Variants in IQCK observed in about 807,000 individuals in gnomAD.
The protein encoded by IQCK is IQ motif containing K, also known as IQ domain-containing protein K.
In IQCK, 29 loss-of-function variants were observed where a neutral mutation model predicts 28.1. That is an observed-to-expected ratio of 1.03 (90% CI 0.77 to 1.41). The LOEUF (loss-of-function observed/expected upper bound fraction) is 1.41. Ranked by LOEUF, IQCK falls within the 40% of genes most tolerant of loss-of-function variation. IQCK has a pLI of 0.00. For missense variants in IQCK, 359 were observed against 314.7 expected (o/e 1.14, Z -1.07); for synonymous variants, 113 against 115.1 (o/e 0.98, Z 0.12).
intron 4 of IQCK, among the ~76,000 whole-genome samples, chr16:19,750,009 T>A (rs2054964570): frequency 1.3e-5 from 2 of 152,208 alleles, no homozygotes; most frequent in South Asian, 4.1e-4. Flanking sequence ...TCTTTGTAGA[T>A]GCGTGACCCC....
intron 7 of IQCK, among the ~76,000 whole-genome samples, chr16:19,822,159 A>G (rs912413495): frequency 2.0e-5 from 3 of 151,216 alleles, no homozygotes; most frequent in African/African-American, 7.3e-5. Context: ...AGGCCGAGGC[A>G]GGCAGATCAC....
At chr16:19,723,046 C>T (rs991266408) in intron 1 of IQCK, among the ~76,000 whole-genome samples, 1 of 152,132 alleles carries the variant, frequency 6.6e-6, no homozygotes. Flanking sequence ...CCCACACTCT[C>T]ATTTGCCAGT....
chr16:19,756,293 G>A (rs1006014766), intron 4 of IQCK, among the ~76,000 whole-genome samples: 1 of 152,180 alleles, frequency 6.6e-6, no homozygotes, highest in African/African-American at 2.4e-5. Context: ...AAGACAGCAT[G>A]GAGCAGAGAG....
chr16:19,763,511 C>T (rs1003581842), intron 4 of IQCK, among the ~76,000 whole-genome samples: 4 of 151,988 alleles, frequency 2.6e-5, no homozygotes, highest in African/African-American at 4.8e-5. Flanking sequence ...GGTGAGGTCT[C>T]GGCTCACTGC....
chr16:19,830,630 GA>G (rs2056219646), downstream of IQCK, among the ~76,000 whole-genome samples: 2 of 152,308 alleles, frequency 1.3e-5, no homozygotes, highest in South Asian at 4.1e-4. Flanking sequence ...CCAGGTCTGT[GA>G]TCAGTTAAGA....
At chr16:19,758,610 G>C (rs1248178767) in intron 4 of IQCK, among the ~76,000 whole-genome samples, 1 of 152,182 alleles carries the variant, frequency 6.6e-6, no homozygotes, top group African/African-American at 2.4e-5. Context: ...ATTCAGGCTA[G>C]TTACATATTT....
intron 6 of IQCK, among the ~76,000 whole-genome samples, chr16:19,784,163 A>G (rs1408372249): frequency 6.6e-6 from 1 of 152,088 alleles, no homozygotes. Context: ...TATTACTGTA[A>G]AGTTCAACAA....
intron 4 of IQCK, among the ~76,000 whole-genome samples, chr16:19,747,688 C>A (rs1178675714): frequency 2.6e-5 from 4 of 152,134 alleles, no homozygotes; most frequent in Non-Finnish European, 5.9e-5. Flanking sequence ...CCACTCTATC[C>A]ATCTGTGTAT....
intron 6 of IQCK, among the ~76,000 whole-genome samples, chr16:19,782,291 C>A (rs1278541486): frequency 2.0e-5 from 3 of 148,610 alleles, no homozygotes; most frequent in East Asian, 2.1e-4. Context: ...GAGGCTGAGG[C>A]AGGAGAATTG....
chr16:19,848,290 T>C (rs181511793), intron 9 of IQCK, among the ~76,000 whole-genome samples: 137 of 152,308 alleles, frequency 9.0e-4, no homozygotes, highest in African/African-American at 3.2e-3. Flanking sequence ...ATTGGGACCG[T>C]ATTTCATTCC....
intron 4 of IQCK, among the ~76,000 whole-genome samples, chr16:19,762,972 C>T (rs1049346199): frequency 2.4e-4 from 36 of 151,992 alleles, no homozygotes; most frequent in African/African-American, 7.3e-4. Context: ...GCTGAGATCA[C>T]GCCACTGCAG....
rs146664911 is a variant in IQCK at position 19,765,756 on chromosome 16, G to A, written c.605+1644G>A. On this transcript the variant is annotated intron_variant, in intron 6 of 7. Coordinates refer to ENST00000564186, the Ensembl canonical transcript of IQCK. ...TGTTTCTTATTTAGCTTTCAAACCT[G>A]TGCCTGATTTTATCCGCTATGAAAT... 1.7e-3 allele frequency among the ~76,000 whole-genome samples: 263 copies of A among 152,048 alleles called. 2 individuals are homozygous for A. Among genetic ancestry groups the A allele is most frequent in the Non-Finnish European group, 9.4e-4 (64 of 67,988 alleles).
chr16:19,804,364 A>C (rs890020791), intron 7 of IQCK, among the ~76,000 whole-genome samples: 3 of 151,586 alleles, frequency 2.0e-5, no homozygotes, highest in African/African-American at 4.9e-5. Context: ...TAAAATAAAA[A>C]AGTACTTGAG....
intron 7 of IQCK, among the ~76,000 whole-genome samples, chr16:19,801,563 C>T (rs9940178): frequency 0.31 from 45,076 of 147,292 alleles, 11,583 homozygotes; most frequent in African/African-American, 0.68. Context: ...TCTTGTCCTC[C>T]CAATGTGCTG....
chr16:19,858,457 T>C, exon 10 of IQCK: 1 of 674,970 alleles, frequency 1.5e-6, no homozygotes, highest in Non-Finnish European at 2.7e-6. Context: ...ATAAAGAACT[T>C]AGAAAACGAA....
downstream of IQCK, among the ~76,000 whole-genome samples, chr16:19,832,123 G>A (rs1359724963): frequency 3.3e-5 from 5 of 151,726 alleles, no homozygotes; most frequent in Admixed American, 1.3e-4. Flanking sequence ...GTTTTCAAAT[G>A]TGCTTTGTAA....
At chr16:19,857,392 T>A in exon 10 of IQCK, 1 of 426,102 alleles carries the variant, frequency 2.3e-6, no homozygotes, top group Admixed American at 3.0e-5. Context: ...TTTGTAATAT[T>A]TATATAGTCG....
In IQCK at chr16:19,825,511, A is replaced by C. The variant is rs1289284985; in HGVS notation, c.691-1515A>C. Among the ~76,000 whole-genome samples, 1 of 148,610 alleles carries C rather than the reference A, an allele frequency of 6.7e-6. No homozygotes were observed. ...CTCCAGCCTGGGCAGCAAGAACGAA[A>C]CTCCATCTCAAAAAAAAAAAAATGT... On this transcript the variant is annotated intron_variant, in intron 7 of 7. Coordinates refer to ENST00000564186, the Ensembl canonical transcript of IQCK. The surrounding 1 kb of genome is among the most constrained non-coding windows in gnomAD (Gnocchi z 4.2).
intron 4 of IQCK, among the ~76,000 whole-genome samples, chr16:19,751,182 G>A (rs1245179664): frequency 3.9e-5 from 6 of 152,116 alleles, no homozygotes; most frequent in African/African-American, 7.2e-5. Flanking sequence ...GCACAGTAAT[G>A]GGAGCCATCG....
Sources: gnomAD v4.1 joint callset for allele counts (sites outside exome capture counted in the v4.1 genomes callset) on GRCh38, gnomAD v4.1.1 for gene constraint, Gnocchi (gnomAD v3.1) non-coding constraint, MANE v1.5 for transcripts, NCBI Gene and HGNC (gene_info 2026-07-23, HGNC 2026-07-21) for gene names.